CDC14B: variants seen among roughly 807,000 people sequenced by gnomAD.
The protein encoded by CDC14B is dual specificity protein phosphatase CDC14B.
Under a neutral mutation model 64.2 loss-of-function variants are expected in CDC14B, and 22 were observed. The observed-to-expected ratio is 0.34, with a 90% CI of 0.24 to 0.49. CDC14B has a LOEUF of 0.49. CDC14B is among the 20% of genes least tolerant of loss of function. CDC14B has a pLI of 0.99. For synonymous variants in CDC14B, 191 were observed against 215.8 expected, an observed-to-expected ratio of 0.89 and a Z score of 1.01; for missense variants, 498 against 629.9, an observed-to-expected ratio of 0.79 and a Z score of 2.24.
In CDC14B at chr9:96,551,751, C is replaced by A. The variant is rs774250016; in HGVS notation, c.497+45G>T. Reference sequence around the variant, plus strand: ...GAAACAACTATCAAGATATTTCTGGCAAGGATCTGATTACCTGAATCTACC... The same window carrying A: ...GAAACAACTATCAAGATATTTCTGGAAAGGATCTGATTACCTGAATCTACC... On this transcript the variant is annotated intron_variant, in intron 5 of 13. Transcript: ENST00000375241. 2.5e-6 allele frequency: 4 copies of A among 1,589,328 alleles called. No homozygotes were observed. In the Admixed American group the frequency reaches 7.3e-5, roughly 29 times the overall value.
At position 96,504,241 on chromosome 9, in the gene CDC14B, A is replaced by G. The variant is rs144727073; in HGVS notation, c.1461-452T>C. On this transcript the variant is annotated intron_variant, in intron 13 of 13. Transcript: ENST00000375241. ...TCAAAAGCCAGAATTTGGTCACAGA[A>G]AAAGCTCTGGCACCTAAGCGGCTTC... Among the ~76,000 whole-genome samples the G allele has an allele frequency of 3.9e-5, 6 of 152,234 alleles. 1 individual carries two copies. The East Asian group carries it at 1.2e-3, about 30-fold the overall frequency.
intron 5 of CDC14B, 26 bp from the exon 6 acceptor site, chr9:96,541,918 A>C: frequency 6.5e-7 from 1 of 1,549,106 alleles, no homozygotes; most frequent in Non-Finnish European, 8.9e-7. Flanking sequence ...AATAAAATGT[A>C]GATCAGTTAA....
intron 5 of CDC14B, among the ~76,000 whole-genome samples, chr9:96,551,440 A>G (rs1448721263): frequency 6.6e-6 from 1 of 152,020 alleles, no homozygotes; most frequent in African/African-American, 2.4e-5. Flanking sequence ...GTTTTCATCA[A>G]TGGCAGTAGT....
rs190972988 is a variant in CDC14B at position 96,526,784 on chromosome 9, G to A, written c.947-3059C>T. ...TTTATAGTGAGGAGCTGTCCTGTGC[G>A]CTGTAGGATGTTTAGCAGCATCGCT... On this transcript the variant is annotated intron_variant, in intron 9 of 13. Coordinates refer to ENST00000375241, the MANE Select transcript of CDC14B (RefSeq NM_033331.4). Among the ~76,000 whole-genome samples the A allele has an allele frequency of 7.8e-4, 118 of 152,210 alleles. No individual in the cohort carries two copies. The Middle Eastern group carries it at 0.01, about 13-fold the overall frequency.
chr9:96,542,656 CT>C (rs112798812), intron 5 of CDC14B, among the ~76,000 whole-genome samples: 10,576 of 142,380 alleles, frequency 0.074, 1,056 homozygotes, highest in African/African-American at 0.24. Flanking sequence ...ATCTAGCTAA[CT>C]TTTTTTTTTT....
At chr9:96,583,236 A>C (rs552116114) in intron 1 of CDC14B, among the ~76,000 whole-genome samples, 2 of 152,240 alleles carry the variant, frequency 1.3e-5, no homozygotes, top group East Asian at 3.9e-4. Context: ...TTTGTCTAAA[A>C]TATTTTATGG....
chr9:96,535,061 C>A (rs1162919642), intron 7 of CDC14B, among the ~76,000 whole-genome samples: 1 of 151,514 alleles, frequency 6.6e-6, no homozygotes, highest in East Asian at 2.0e-4. Context: ...CACTATCTTC[C>A]TAACTATTTA....
chr9:96,619,435 C>T lies in CDC14B; in HGVS notation c.-57G>A. The T allele has an allele frequency of 1.9e-6, 2 of 1,042,128 alleles. No individual in the cohort carries two copies. Among genetic ancestry groups the T allele is most frequent in the Non-Finnish European group, 2.3e-6 (2 of 862,306 alleles). The allele number at this position is 1,042,128 out of a possible 1,614,324, so 64.6% of individuals were successfully genotyped here. A position where few individuals can be genotyped will look rare whatever the true frequency, so the allele number is the denominator to read the frequency against. On this transcript the variant is annotated 5_prime_UTR_variant, in exon 1 of 14. Transcript: ENST00000375241. ...ACCATGGCCCCGCGCGCCCGCGCGCCCGCCGAGGCTCCCGCCAGCCCCGCG... is the reference window on the plus strand; with the variant it reads ...ACCATGGCCCCGCGCGCCCGCGCGCTCGCCGAGGCTCCCGCCAGCCCCGCG...
intron 4 of CDC14B, among the ~76,000 whole-genome samples, chr9:96,562,086 A>C (rs756043041): frequency 2.0e-5 from 3 of 152,230 alleles, no homozygotes; most frequent in Non-Finnish European, 2.9e-5. Context: ...AAATACTGCT[A>C]TTCCAAAGTA....
chr9:96,578,815 T>C (rs1844959708), intron 1 of CDC14B, among the ~76,000 whole-genome samples: 1 of 152,118 alleles, frequency 6.6e-6, no homozygotes, highest in Non-Finnish European at 1.5e-5. Flanking sequence ...CACATCAGTA[T>C]TGGTTTCTTT....
At chr9:96,526,908 A>C (rs567673292) in intron 9 of CDC14B, among the ~76,000 whole-genome samples, 2 of 152,288 alleles carry the variant, frequency 1.3e-5, no homozygotes, top group South Asian at 4.1e-4. Context: ...GTGCAAAAGG[A>C]CCTTGCTGAA....
rs992131227 is a variant in CDC14B at position 96,522,418 on chromosome 9, T to C, written c.1343+88A>G. On this transcript the variant is annotated intron_variant, in intron 12 of 13. Transcript: ENST00000375241. The stretch of plus-strand genomic sequence containing the variant: ...AAGTGGCATCATGGGCTTGCAACTA[T>C]GGAGAAAAATGTACAGGAAAAACCC... 6.9e-6 allele frequency: 6 copies of C among 874,362 alleles called. No homozygotes were observed. In the Admixed American group the frequency reaches 7.0e-5, roughly 10 times the overall value. 54.2% of individuals were successfully genotyped at this position (874,362 alleles called of 1,614,324 possible).
chr9:96,560,639 T>C (rs1843029277), intron 4 of CDC14B, among the ~76,000 whole-genome samples: 1 of 147,334 alleles, frequency 6.8e-6, no homozygotes. Context: ...GCTGGAGTGC[T>C]GTGGTGCGAT....
At chr9:96,607,906 G>A (rs974597603) in intron 1 of CDC14B, among the ~76,000 whole-genome samples, 5 of 152,198 alleles carry the variant, frequency 3.3e-5, no homozygotes, top group Admixed American at 2.0e-4. Flanking sequence ...AAGCAGACTC[G>A]TGTTGCTGTG....
intron 1 of CDC14B, among the ~76,000 whole-genome samples, chr9:96,611,809 C>T (rs766397718): frequency 1.3e-5 from 2 of 152,126 alleles, no homozygotes; most frequent in Non-Finnish European, 2.9e-5. Context: ...TTTGGATAAT[C>T]GTCTGTGAAA....
At chr9:96,615,477 G>T (rs771962539) in intron 1 of CDC14B, among the ~76,000 whole-genome samples, 1 of 152,172 alleles carries the variant, frequency 6.6e-6, no homozygotes, top group African/African-American at 2.4e-5. Context: ...TAAATAGGCT[G>T]CAATAAAAAT....
intron 1 of CDC14B, among the ~76,000 whole-genome samples, chr9:96,611,756 A>C (rs1847337749): frequency 1.3e-5 from 2 of 152,220 alleles, no homozygotes; most frequent in African/African-American, 4.8e-5. Context: ...AAAACAAAAA[A>C]AGACCCTGTC....
At chr9:96,591,099 A>G (rs1429933277) in intron 1 of CDC14B, among the ~76,000 whole-genome samples, 1 of 152,084 alleles carries the variant, frequency 6.6e-6, no homozygotes, top group Non-Finnish European at 1.5e-5. Flanking sequence ...CAGAAGTTTC[A>G]AAGTTTGATG....
Position 96,515,889 on chromosome 9 carries a change from ACACCC to A in CDC14B, c.1344-6105_1344-6101del, listed in dbSNP as rs1348891906. ...CAATCAAGCCATATGTGAATTTTAG[ACACCC>A]TAAAAGCCCAGCCAACAGCAACAGG... is the stretch of plus-strand genomic sequence containing the variant. On this transcript the variant is annotated intron_variant, in intron 12 of 13. Transcript: ENST00000375241. The surrounding 1 kb of genome is among the most constrained non-coding windows in gnomAD (Gnocchi z 4.3). The A allele has an allele frequency of 8.3e-6, 10 of 1,204,430 alleles. No individual in the cohort carries two copies. In the African/African-American group the frequency reaches 9.1e-5, roughly 11 times the overall value. 74.6% of individuals were successfully genotyped at this position (1,204,430 alleles called of 1,614,324 possible). A position where few individuals can be genotyped will look rare whatever the true frequency, so the allele number is the denominator to read the frequency against.
Sources: gnomAD v4.1 joint callset for allele counts (sites outside exome capture counted in the v4.1 genomes callset) on GRCh38, gnomAD v4.1.1 for gene constraint, Gnocchi (gnomAD v3.1) non-coding constraint, MANE v1.5 for transcripts, NCBI Gene and HGNC (gene_info 2026-07-23, HGNC 2026-07-21) for gene names.